CYP2R1: variants seen among roughly 807,000 people sequenced by gnomAD.
CYP2R1 encodes cytochrome P450 family 2 subfamily R member 1.
Under a neutral mutation model 45.7 loss-of-function variants are expected in CYP2R1, and 40 were observed. That is an observed-to-expected ratio of 0.87 (90% confidence interval 0.68 to 1.14). CYP2R1 has a LOEUF of 1.14. Among genes scored for constraint, CYP2R1 ranks in the 50% most tolerant of loss-of-function variants. CYP2R1 has a pLI of 0.00. For missense variants in CYP2R1, 605 were observed against 602.6 expected (o/e 1.00, Z -0.04); for synonymous variants, 234 against 219.3 (o/e 1.07, Z -0.59).
intron 2 of CYP2R1, among the ~76,000 whole-genome samples, chr11:14,883,691 A>C (rs1484292374): frequency 5.3e-5 from 8 of 152,084 alleles, no homozygotes; most frequent in Non-Finnish European, 1.2e-4. Flanking sequence ...AATGGGATCT[A>C]ATTAAACTCA....
intron 2 of CYP2R1, among the ~76,000 whole-genome samples, chr11:14,883,641 A>G (rs1848482347): frequency 6.6e-6 from 1 of 152,184 alleles, no homozygotes; most frequent in African/African-American, 2.4e-5. Flanking sequence ...CTTCATGTCT[A>G]AAACACCAAA....
chr11:14,891,978 T>C lies in CYP2R1; in HGVS notation c.225+3A>G. The C allele has an allele frequency of 6.2e-7, 1 of 1,612,920 alleles. No homozygotes were observed. The highest frequency in any genetic ancestry group is 1.3e-5 in the African/African-American group (1 of 75,000). Reference sequence around the variant, plus strand: ...CCCTGCCCGGGGCCCGTCGGGGCTGTACCTCTCCGTACACCTGGCTCTGCT... The same window carrying C: ...CCCTGCCCGGGGCCCGTCGGGGCTGCACCTCTCCGTACACCTGGCTCTGCT... On this transcript the variant is annotated splice_donor_region_variant and intron_variant, in intron 1 of 4. Coordinates refer to ENST00000334636, the MANE Select transcript of CYP2R1 (RefSeq NM_024514.5).
chr11:14,891,121 C>G, intron 1 of CYP2R1: 2 of 985,468 alleles, frequency 2.0e-6, no homozygotes, highest in Non-Finnish European at 2.4e-6. Flanking sequence ...CCCGTGGAAA[C>G]TCCTGCCCCC....
chr11:14,891,593 C>A (rs1848857944), intron 1 of CYP2R1: 2 of 1,050,072 alleles, frequency 1.9e-6, no homozygotes, highest in Non-Finnish European at 2.3e-6. Flanking sequence ...GCAGCTTCCA[C>A]AGAGCTGCGA....
intron 2 of CYP2R1, among the ~76,000 whole-genome samples, chr11:14,885,107 G>T (rs1363777966): frequency 1.3e-5 from 2 of 152,064 alleles, no homozygotes; most frequent in Non-Finnish European, 2.9e-5. Flanking sequence ...ATTTTTATTT[G>T]AAATTAAATG....
In CYP2R1 at chr11:14,878,249, A is replaced by G. The variant is rs1384416580; in HGVS notation, c.1379T>C (p.Leu460Ser). The G allele has an allele frequency of 6.2e-7, 1 of 1,613,102 alleles. No homozygotes were observed. The highest frequency in any genetic ancestry group is 8.5e-7 in the Non-Finnish European group (1 of 1,179,482). The change falls in exon 5 of 5, where the codon TTG (leucine) becomes TCG (serine). Residue 460 changes from leucine (L) to serine (S), a missense_variant. Transcript: ENST00000334636. ...GEHLARMEMF[L>S]FFTALLQRFH... ...CCTCTGAAGCAATGCTGTAAAAAACAAGAACATTTCCATCCGAGCCAAGTG... is the reference window on the plus strand; with the variant it reads ...CCTCTGAAGCAATGCTGTAAAAAACGAGAACATTTCCATCCGAGCCAAGTG...
In CYP2R1 at chr11:14,892,010, T is replaced by A; in HGVS notation, c.196A>T (p.Met66Leu). The A allele has an allele frequency of 6.2e-7, 1 of 1,613,436 alleles. No homozygotes were observed. The highest frequency in any genetic ancestry group is 2.2e-5 in the East Asian group (1 of 44,838). The change falls in exon 1 of 5, where the codon ATG becomes TTG. Residue 66 changes from methionine to leucine, a missense_variant. Met to Leu is a conservative substitution (Grantham distance 15). Transcript: ENST00000334636. ...AASSELPHVY[M>L]RKQSQVYGEI... Reference sequence around the variant, plus strand: ...CCGTACACCTGGCTCTGCTTTCTCATGTAGACATGGGGAAGCTCGGATGAG... The same window carrying A: ...CCGTACACCTGGCTCTGCTTTCTCAAGTAGACATGGGGAAGCTCGGATGAG...
Position 14,885,808 on chromosome 11 carries a change from A to G in CYP2R1, c.335T>C (p.Leu112Pro). ...TTTTGTCATCTTCATGAATAAAGGA[A>G]GGCATGGTCTGTCTGCAAAAATTTC... ...QSEIFADRPC[L>P]PLFMKMTKMG... Residue 112 changes from leucine (L) to proline (P), a missense_variant, in exon 2 of 5, where the codon CTT becomes CCT. Leu to Pro is a moderately conservative substitution (Grantham distance 98). Transcript: ENST00000334636. 2.5e-6 allele frequency: 4 copies of G among 1,613,290 alleles called. No individual in the cohort carries two copies. The highest frequency in any genetic ancestry group is 3.4e-6 in the Non-Finnish European group (4 of 1,179,782).
intron 2 of CYP2R1, among the ~76,000 whole-genome samples, chr11:14,882,537 C>T (rs782670320): frequency 1.7e-4 from 26 of 152,116 alleles, no homozygotes; most frequent in African/African-American, 6.3e-4. Flanking sequence ...AGCTGTGTGC[C>T]TGGGCATGAC....
Position 14,879,183 on chromosome 11 carries a change from G to A in CYP2R1, c.1261C>T (p.His421Tyr). 6.2e-7 allele frequency: 1 copy of A among 1,613,196 alleles called. No homozygotes were observed. Among genetic ancestry groups the A allele is most frequent in the Non-Finnish European group, 8.5e-7 (1 of 1,179,498 alleles). The change falls in exon 4 of 5, where the codon CAT (histidine) becomes TAT (tyrosine). Residue 421 changes from histidine (H) to tyrosine (Y), a missense_variant. Transcript: ENST00000334636. ...CTGCTGTCCAGAAATCGCTCAGGAT[G>A]GAACACTTCTGGGTCTCTCCAGTAC... The part of the protein sequence containing the change: ...EKYWRDPEVF[H>Y]PERFLDSSGY...
intron 2 of CYP2R1, among the ~76,000 whole-genome samples, chr11:14,884,844 G>C (rs751965392): frequency 6.6e-6 from 1 of 151,808 alleles, no homozygotes; most frequent in African/African-American, 2.4e-5. Context: ...TACTGTGATT[G>C]CATCATCTTT....
intron 1 of CYP2R1, chr11:14,891,103 TCCCAGGA>T (rs1848835605): frequency 1.0e-5 from 10 of 985,268 alleles, no homozygotes; most frequent in Non-Finnish European, 1.2e-5. Context: ...GTGAGCTCTG[TCCCAGGA>T]CCCGTGGAAA....
At chr11:14,882,797 C>T (rs1386987467) in intron 2 of CYP2R1, among the ~76,000 whole-genome samples, 1 of 152,134 alleles carries the variant, frequency 6.6e-6, no homozygotes, top group Non-Finnish European at 1.5e-5. Context: ...CTGTCTCAGC[C>T]CAAAATCTCC....
rs782203092 is a variant in CYP2R1 at position 14,878,151 on chromosome 11, G to C, written c.1477C>G (p.Pro493Ala). 1.2e-6 allele frequency: 2 copies of C among 1,613,176 alleles called. No individual in the cohort carries two copies. Among genetic ancestry groups the C allele is most frequent in the Admixed American group, 3.3e-5 (2 of 59,872 alleles). Residue 493 changes from proline to alanine, a missense_variant, in exon 5 of 5, where the codon CCC (proline) becomes GCC (alanine). Coordinates refer to ENST00000334636, the MANE Select transcript of CYP2R1 (RefSeq NM_024514.5). ...CGTCTTTCAGCACAGATGAGGTAGG[G>C]TTGGGGCTGCAATGTCATGCCTAAC... ...PRLGMTLQPQPYLICAERR is the reference protein window; with the variant it reads ...PRLGMTLQPQAYLICAERR
chr11:14,891,104 C>T (rs1162183412), intron 1 of CYP2R1: 84 of 985,326 alleles, frequency 8.5e-5, no homozygotes, highest in Non-Finnish European at 9.9e-5. Context: ...TGAGCTCTGT[C>T]CCAGGACCCG....
At chr11:14,891,133 C>T (rs1848837476) in intron 1 of CYP2R1, 1 of 985,368 alleles carries the variant, frequency 1.0e-6, no homozygotes, top group South Asian at 4.7e-5. Context: ...CCTGCCCCCT[C>T]CGGACGTCGG....
In CYP2R1 at chr11:14,879,425, A is replaced by G. The variant is rs1555011053; in HGVS notation, c.1019T>C (p.Ile340Thr). 1 of 1,602,920 alleles carries G rather than the reference A, an allele frequency of 6.2e-7. No individual in the cohort carries two copies. The highest frequency in any genetic ancestry group is 8.5e-7 in the Non-Finnish European group (1 of 1,178,990). ...PNIQGQVQKE[I>T]DLIMGPNGKP... Reference sequence around the variant, plus strand: ...CCCATTAGGGCCCATAATTAAATCAATCTCTTTCTGAACTTGTCCTGTCAG... The same window carrying G: ...CCCATTAGGGCCCATAATTAAATCAGTCTCTTTCTGAACTTGTCCTGTCAG... Residue 340 changes from isoleucine to threonine, a missense_variant, in exon 4 of 5, where the codon ATT becomes ACT. Transcript: ENST00000334636.
chr11:14,890,847 C>T (rs920129769), intron 1 of CYP2R1: 1 of 985,232 alleles, frequency 1.0e-6, no homozygotes, highest in Non-Finnish European at 1.2e-6. Context: ...CGCGCCCGGG[C>T]ACCTAGACCA....
chr11:14,888,524 A>G (rs1590230492), intron 1 of CYP2R1, among the ~76,000 whole-genome samples: 1 of 152,042 alleles, frequency 6.6e-6, no homozygotes, highest in Non-Finnish European at 1.5e-5. Flanking sequence ...CTGCCATACT[A>G]CCCTAACCAT....
Sources: allele counts gnomAD v4.1 joint callset (sites outside exome capture counted in the v4.1 genomes callset), GRCh38; gene constraint gnomAD v4.1.1; transcripts MANE v1.5; gene names NCBI Gene and HGNC (gene_info 2026-07-23, HGNC 2026-07-21).